REDIC1: variants seen among roughly 807,000 people sequenced by gnomAD.
The protein encoded by REDIC1 is regulator of DNA class I crossover intermediates 1.
the REDIC1 span, among the ~76,000 whole-genome samples, chr12:39,888,274 G>C: frequency 2.0e-5 from 3 of 152,030 alleles, no homozygotes; most frequent in Non-Finnish European, 4.4e-5. Context: ...ACCCAGGCTG[G>C]AGTGCAGTGG....
At chr12:39,898,991 C>T in the REDIC1 span, among the ~76,000 whole-genome samples, 1 of 152,094 alleles carries the variant, frequency 6.6e-6, no homozygotes, top group Non-Finnish European at 1.5e-5. Flanking sequence ...TGATGCTGGC[C>T]TCATAAAATG....
chr12:39,798,774 T>C, the REDIC1 span, among the ~76,000 whole-genome samples: 1 of 152,162 alleles, frequency 6.6e-6, no homozygotes, highest in African/African-American at 2.4e-5. Context: ...TTACATTCCT[T>C]TAGTACTAAA....
chr12:39,644,418 A>G, the REDIC1 span, among the ~76,000 whole-genome samples: 3,070 of 151,900 alleles, frequency 0.02, 42 homozygotes, highest in South Asian at 0.029. Context: ...ATTTTGTCAT[A>G]TATTTTGATA....
chr12:39,874,607 C>T, the REDIC1 span, among the ~76,000 whole-genome samples: 2 of 119,416 alleles, frequency 1.7e-5, no homozygotes, highest in African/African-American at 6.9e-5. Context: ...AAAAGCAAAA[C>T]TCCATCTCAA....
At chr12:39,859,514 G>A in the REDIC1 span, among the ~76,000 whole-genome samples, 3 of 151,832 alleles carry the variant, frequency 2.0e-5, no homozygotes, top group African/African-American at 7.3e-5. Flanking sequence ...ACTCTTAATT[G>A]AGAAGTTTTT....
At chr12:39,896,132 A>G in the REDIC1 span, among the ~76,000 whole-genome samples, 1 of 149,384 alleles carries the variant, frequency 6.7e-6, no homozygotes, top group East Asian at 2.0e-4. Context: ...ATATATGTAT[A>G]CACGTGTACC....
the REDIC1 span, among the ~76,000 whole-genome samples, chr12:39,818,096 C>A: frequency 2.0e-5 from 3 of 152,174 alleles, no homozygotes; most frequent in African/African-American, 7.2e-5. Context: ...GCCAGAGAGC[C>A]CCCTTGGGCC....
At chr12:39,718,003 A>G in the REDIC1 span, among the ~76,000 whole-genome samples, 1 of 151,844 alleles carries the variant, frequency 6.6e-6, no homozygotes, top group African/African-American at 2.4e-5. Flanking sequence ...AGTCTCTTTC[A>G]TGATTTTCTT....
the REDIC1 span, among the ~76,000 whole-genome samples, chr12:39,817,570 C>A: frequency 8.8e-4 from 134 of 152,194 alleles, no homozygotes; most frequent in African/African-American, 3.2e-3. Context: ...CTGATGGCAG[C>A]TAAGGGGGTT....
chr12:39,828,630 T>C, the REDIC1 span, among the ~76,000 whole-genome samples: 2 of 152,060 alleles, frequency 1.3e-5, no homozygotes, highest in Non-Finnish European at 2.9e-5. Flanking sequence ...AAATTAATTA[T>C]GTAAAATACA....
At chr12:39,706,364 G>A in the REDIC1 span, among the ~76,000 whole-genome samples, 1 of 151,846 alleles carries the variant, frequency 6.6e-6, no homozygotes, top group Non-Finnish European at 1.5e-5. Context: ...AATCAATATT[G>A]TTTAAAATGT....
At chr12:39,643,890 C>A in the REDIC1 span, 2 of 1,559,722 alleles carry the variant, frequency 1.3e-6, no homozygotes, top group Non-Finnish European at 1.7e-6. Flanking sequence ...TATGGTAAAT[C>A]AGATATCTTG....
the REDIC1 span, among the ~76,000 whole-genome samples, chr12:39,691,466 C>G: frequency 3.4e-4 from 52 of 152,214 alleles, no homozygotes; most frequent in Middle Eastern, 3.4e-3. Context: ...GGTACATTCT[C>G]TAATCAAAAT....
the REDIC1 span, among the ~76,000 whole-genome samples, chr12:39,765,395 C>T: frequency 6.6e-6 from 1 of 152,012 alleles, no homozygotes; most frequent in Admixed American, 6.6e-5. Flanking sequence ...CCAGTCACTC[C>T]CTGATGACCT....
chr12:39,776,107 T>C, the REDIC1 span, among the ~76,000 whole-genome samples: 9 of 152,220 alleles, frequency 5.9e-5, no homozygotes, highest in South Asian at 6.2e-4. Context: ...ATATTGCTGT[T>C]CCCCCCTACA....
the REDIC1 span, among the ~76,000 whole-genome samples, chr12:39,884,862 A>C: frequency 6.6e-6 from 1 of 152,230 alleles, no homozygotes; most frequent in South Asian, 2.1e-4. Flanking sequence ...GCAAGTTATC[A>C]CAGGGTTTAG....
At chr12:39,716,890 G>C in the REDIC1 span, 1 of 1,230,476 alleles carries the variant, frequency 8.1e-7, no homozygotes, top group Admixed American at 2.8e-5. Flanking sequence ...ATAATTATTT[G>C]TTTTTCTCAT....
the REDIC1 span, chr12:39,641,063 C>A: frequency 8.2e-7 from 1 of 1,220,256 alleles, no homozygotes; most frequent in Non-Finnish European, 1.2e-6. Flanking sequence ...TTTTCTACCA[C>A]TAATACATTC....
chr12:39,710,459 C>T, the REDIC1 span, among the ~76,000 whole-genome samples: 2 of 150,090 alleles, frequency 1.3e-5, no homozygotes, highest in Non-Finnish European at 2.9e-5. Context: ...TTCAGTTAAT[C>T]GTCTAACTGA....
Sources: gnomAD v4.1 joint callset for allele counts (sites outside exome capture counted in the v4.1 genomes callset) on GRCh38, gnomAD v4.1.1 for gene constraint, MANE v1.5 for transcripts, NCBI Gene and HGNC (gene_info 2026-07-23, HGNC 2026-07-21) for gene names.